Variants in WDR25 observed in about 807,000 individuals in gnomAD.
WDR25 encodes the protein WD repeat domain 25.
Under a neutral mutation model 47.7 loss-of-function variants are expected in WDR25, and 35 were observed. The observed-to-expected ratio is 0.73, with a 90% CI of 0.56 to 0.97. The LOEUF (loss-of-function observed/expected upper bound fraction) is 0.97. Among genes scored for constraint, WDR25 ranks in the 50% least tolerant of loss-of-function variants. The pLI is 0.00. For synonymous variants in WDR25, 248 were observed against 278.9 expected (o/e 0.89, Z 1.10); for missense variants, 634 against 704.7 (o/e 0.90, Z 1.14).
chr14:100,412,206 CAAAAAA>C (rs34698940), intron 2 of WDR25, among the ~76,000 whole-genome samples: 1 of 54,194 alleles, frequency 1.8e-5, no homozygotes, highest in African/African-American at 6.5e-5. Flanking sequence ...GACCCTGTCT[CAAAAAA>C]AAAAAAAAAA....
rs1900523843 is a variant in WDR25, at chr14:100,490,381, G to T, written c.1101+6257G>T. On this transcript the variant is annotated intron_variant, in intron 4 of 6. Coordinates refer to ENST00000402312, the MANE Select transcript of WDR25 (RefSeq NM_001161476.3). ...CTTAAAATCACAAGCAATTATCCTG[G>T]CCAGTTGAACGGAGGCTGAGCCACT... 2.0e-5 allele frequency among the ~76,000 whole-genome samples: 3 copies of T among 152,218 alleles called. No homozygotes were observed. In the South Asian group the frequency reaches 6.2e-4, roughly 32 times the overall value.
chr14:100,472,123 C>G (rs1899859446), intron 3 of WDR25, among the ~76,000 whole-genome samples: 1 of 152,230 alleles, frequency 6.6e-6, no homozygotes, highest in Non-Finnish European at 1.5e-5. Flanking sequence ...CAGCCTGACC[C>G]TCGAGGCTGC....
chr14:100,468,461 T>C lies in WDR25; in HGVS notation c.970+293T>C, dbSNP rs972160848. Among the ~76,000 whole-genome samples the C allele has an allele frequency of 6.6e-6, 1 of 152,238 alleles. No individual in the cohort carries two copies. Among genetic ancestry groups the C allele is most frequent in the African/African-American group, 2.4e-5 (1 of 41,458 alleles). On this transcript the variant is annotated intron_variant, in intron 3 of 6. Coordinates refer to ENST00000402312, the MANE Select transcript of WDR25 (RefSeq NM_001161476.3). This position sits in a 1 kb window ranked among gnomAD's most constrained non-coding sequence, Gnocchi z 4.5. ...GTGGCTTTTTAATCTACTTCTGACATGCAATTTGTGCTGAAATAGATTTAA... is the reference window on the plus strand; with the variant it reads ...GTGGCTTTTTAATCTACTTCTGACACGCAATTTGTGCTGAAATAGATTTAA...
chr14:100,438,622 C>G (rs1056687635), intron 2 of WDR25, among the ~76,000 whole-genome samples: 2 of 152,156 alleles, frequency 1.3e-5, no homozygotes, highest in Admixed American at 6.5e-5. Context: ...CCCATGCTCA[C>G]GATCATTCAG....
At chr14:100,476,234 G>C (rs1900012749) in intron 3 of WDR25, among the ~76,000 whole-genome samples, 1 of 152,222 alleles carries the variant, frequency 6.6e-6, no homozygotes, top group Non-Finnish European at 1.5e-5. Context: ...GGCCCAGCTG[G>C]CTCTCAGGCC....
chr14:100,382,491 TG>T (rs1896928157), intron 2 of WDR25, among the ~76,000 whole-genome samples: 1 of 152,196 alleles, frequency 6.6e-6, no homozygotes, highest in African/African-American at 2.4e-5. Flanking sequence ...AGGTTGCACG[TG>T]CCCTTCTGGG....
intron 2 of WDR25, among the ~76,000 whole-genome samples, chr14:100,429,256 A>G (rs1769041755): frequency 6.6e-6 from 1 of 152,032 alleles, no homozygotes; most frequent in Non-Finnish European, 1.5e-5. Context: ...TCCTTGGGAG[A>G]TGGGGTGGTG....
In WDR25 at chr14:100,430,142, A is replaced by C. The variant is rs1898285052; in HGVS notation, c.823-37879A>C. 1.4e-5 allele frequency among the ~76,000 whole-genome samples: 2 copies of C among 138,276 alleles called. No individual in the cohort carries two copies. The highest frequency in any genetic ancestry group is 2.7e-5 in the African/African-American group (1 of 36,746). The allele number at this position is 138,276 out of a possible 152,430, so 90.7% of individuals were successfully genotyped here. A position where few individuals can be genotyped will look rare whatever the true frequency, so the allele number is the denominator to read the frequency against. Reference sequence around the variant, plus strand: ...GGCTCTAGGCAAATCTTGCAGACCAAGGGGGCCTGGTGTGTGTGTGTGTGT... The same window carrying C: ...GGCTCTAGGCAAATCTTGCAGACCACGGGGGCCTGGTGTGTGTGTGTGTGT... On this transcript the variant is annotated intron_variant, in intron 2 of 6. Coordinates refer to ENST00000402312, the MANE Select transcript of WDR25 (RefSeq NM_001161476.3). This position sits in a 1 kb window ranked among gnomAD's most constrained non-coding sequence, Gnocchi z 4.7.
intron 2 of WDR25, among the ~76,000 whole-genome samples, chr14:100,397,773 C>T (rs1015374522): frequency 6.6e-6 from 1 of 152,232 alleles, no homozygotes; most frequent in African/African-American, 2.4e-5. Flanking sequence ...CATCAGCAAA[C>T]TGCAAGGTAG....
rs577338523 is a variant in WDR25, at chr14:100,488,880, G to A, written c.1101+4756G>A. Among the ~76,000 whole-genome samples the A allele has an allele frequency of 1.3e-5, 2 of 152,314 alleles. No individual in the cohort carries two copies. The highest frequency in any genetic ancestry group is 3.9e-4 in the East Asian group (2 of 5,186). Reference sequence around the variant, plus strand: ...ACAGGTGTTTATTTACAGCCGCTTGGTGTGGGAGCCTGAGTCACCTCTGTG... The same window carrying A: ...ACAGGTGTTTATTTACAGCCGCTTGATGTGGGAGCCTGAGTCACCTCTGTG... On this transcript the variant is annotated intron_variant, in intron 4 of 6. Transcript: ENST00000402312. The surrounding 1 kb of genome is among the most constrained non-coding windows in gnomAD (Gnocchi z 4.2).
At chr14:100,417,318 T>C (rs1425952032) in intron 2 of WDR25, among the ~76,000 whole-genome samples, 2 of 152,262 alleles carry the variant, frequency 1.3e-5, no homozygotes, top group African/African-American at 2.4e-5. Context: ...ACTTGGCACA[T>C]GCCACATGCT....
At chr14:100,491,355 C>T (rs1900558628) in intron 4 of WDR25, among the ~76,000 whole-genome samples, 1 of 152,246 alleles carries the variant, frequency 6.6e-6, no homozygotes, top group African/African-American at 2.4e-5. Context: ...AGTGTGAATT[C>T]AGCTTTAGTC....
intron 4 of WDR25, among the ~76,000 whole-genome samples, chr14:100,512,163 C>A (rs550461610): frequency 6.6e-6 from 1 of 152,122 alleles, no homozygotes; most frequent in Admixed American, 6.5e-5. Flanking sequence ...TGGAAGACTT[C>A]GTGTAAAAAT....
intron 4 of WDR25, among the ~76,000 whole-genome samples, chr14:100,520,011 C>A (rs1901660998): frequency 7.0e-6 from 1 of 143,766 alleles, no homozygotes; most frequent in Admixed American, 7.1e-5. Context: ...TATATGTACA[C>A]TATATATATA....
chr14:100,463,415 G>A (rs1012106305), intron 2 of WDR25, among the ~76,000 whole-genome samples: 1 of 152,100 alleles, frequency 6.6e-6, no homozygotes, highest in Non-Finnish European at 1.5e-5. Flanking sequence ...TACGCTTCCA[G>A]GACTTTCCTC....
intron 2 of WDR25, among the ~76,000 whole-genome samples, chr14:100,384,209 C>CT (rs1896968387): frequency 1.3e-5 from 2 of 152,226 alleles, no homozygotes; most frequent in Admixed American, 6.5e-5. Flanking sequence ...TCCTGACCCT[C>CT]TTTTTTTACT....
chr14:100,402,487 G>A (rs1897408964), intron 2 of WDR25, among the ~76,000 whole-genome samples: 1 of 152,168 alleles, frequency 6.6e-6, no homozygotes, highest in Non-Finnish European at 1.5e-5. Context: ...AGACAGGTGG[G>A]ACATGGGGGT....
chr14:100,529,457 G>C lies in WDR25; in HGVS notation c.1413+249G>C. 1.6e-6 allele frequency: 1 copy of C among 613,078 alleles called. No homozygotes were observed. The highest frequency in any genetic ancestry group is 2.8e-6 in the Non-Finnish European group (1 of 351,904). The allele number at this position is 613,078 out of a possible 1,614,324, so 38.0% of individuals were successfully genotyped here. Reference sequence around the variant, plus strand: ...CTCACACAGACAGGTCTCAGAAGTGGGGGGCAGGAACAGGACAAAATGGTC... The same window carrying C: ...CTCACACAGACAGGTCTCAGAAGTGCGGGGCAGGAACAGGACAAAATGGTC... On this transcript the variant is annotated intron_variant, in intron 6 of 6. Coordinates refer to ENST00000402312, the MANE Select transcript of WDR25 (RefSeq NM_001161476.3). This position sits in a 1 kb window ranked among gnomAD's most constrained non-coding sequence, Gnocchi z 5.1.
intron 5 of WDR25, among the ~76,000 whole-genome samples, chr14:100,526,677 G>A (rs1347434356): frequency 1.4e-5 from 2 of 145,690 alleles, no homozygotes; most frequent in East Asian, 4.2e-4. Context: ...CACCACCAGT[G>A]TCATCACTGC....
Sources: allele counts gnomAD v4.1 joint callset (sites outside exome capture counted in the v4.1 genomes callset), GRCh38; gene constraint gnomAD v4.1.1; non-coding constraint Gnocchi (gnomAD v3.1); transcripts MANE v1.5; gene names NCBI Gene and HGNC (gene_info 2026-07-23, HGNC 2026-07-21).